Variants in TOP1 observed in about 807,000 individuals in gnomAD.
TOP1 encodes DNA topoisomerase I, also known as DNA topoisomerase 1.
Under a neutral mutation model 111.1 loss-of-function variants are expected in TOP1, and 10 were observed. The observed-to-expected ratio is 0.09, with a 90% CI of 0.06 to 0.15. The LOEUF (loss-of-function observed/expected upper bound fraction) is 0.15, where lower values mean the gene tolerates loss of function less well. Ranked by LOEUF, TOP1 falls within the 10% of genes least tolerant of loss-of-function variation. The pLI is 1.00. For synonymous variants in TOP1, 271 were observed against 302.9 expected (o/e 0.89, Z 1.10); for missense variants, 474 against 926.7 (o/e 0.51, Z 6.34).
chr20:41,102,480 G>T lies in TOP1; in HGVS notation c.1308+1127G>T, dbSNP rs1439426820. 6.6e-6 allele frequency among the ~76,000 whole-genome samples: 1 copy of T among 151,994 alleles called. No individual in the cohort carries two copies. The highest frequency in any genetic ancestry group is 1.5e-5 in the Non-Finnish European group (1 of 68,012). On this transcript the variant is annotated intron_variant, in intron 13 of 20. Transcript: ENST00000361337. The surrounding 1 kb of genome is among the most constrained non-coding windows in gnomAD (Gnocchi z 4.0). ...CAAAAATTAGCCAGGCGTGGTAGTG[G>T]GTGCCTGTAATCCCATCTACTTGGG...
In TOP1 at chr20:41,112,699, C is replaced by T. The variant is rs1011648975; in HGVS notation, c.1309-83C>T. 1.3e-5 allele frequency: 19 copies of T among 1,462,610 alleles called. No individual in the cohort carries two copies. The East Asian group carries it at 1.4e-4, about 11-fold the overall frequency. 90.6% of individuals were successfully genotyped at this position (1,462,610 alleles called of 1,614,324 possible). A position where few individuals can be genotyped will look rare whatever the true frequency, so the allele number is the denominator to read the frequency against. On this transcript the variant is annotated intron_variant, in intron 13 of 20. Transcript: ENST00000361337. The surrounding 1 kb of genome is among the most constrained non-coding windows in gnomAD (Gnocchi z 5.8). ...TTAGCTAGCTGGGATTATAGGCTTG[C>T]GCCACCTTGCCTGGCTATATTCAAA...
Position 41,092,365 on chromosome 20 carries a change from C to G in TOP1, c.615-107C>G. On this transcript the variant is annotated intron_variant, in intron 8 of 20. Transcript: ENST00000361337. The surrounding 1 kb of genome is among the most constrained non-coding windows in gnomAD (Gnocchi z 4.3). ...TTGAATGTGAGGCCCAGAAGTCATTCCAGAGCACTAATCAGTTGAGCGGAT... is the reference window on the plus strand; with the variant it reads ...TTGAATGTGAGGCCCAGAAGTCATTGCAGAGCACTAATCAGTTGAGCGGAT... 1.9e-6 allele frequency: 1 copy of G among 532,896 alleles called. No individual in the cohort carries two copies. The highest frequency in any genetic ancestry group is 3.4e-6 in the Non-Finnish European group (1 of 298,254). 33.0% of individuals were successfully genotyped at this position (532,896 alleles called of 1,614,324 possible).
intron 8 of TOP1, among the ~76,000 whole-genome samples, chr20:41,090,946 T>C (rs1386212297): frequency 2.0e-5 from 3 of 152,240 alleles, no homozygotes; most frequent in Non-Finnish European, 4.4e-5. Flanking sequence ...AGGTCTTTGA[T>C]CCATTTTGAA....
rs59200685 is a variant in TOP1 at position 41,089,020 on chromosome 20, C to CTTT, written c.615-3432_615-3430dup. The stretch of plus-strand genomic sequence containing the variant: ...TCCCCACTTCTCTGTTGCCCCAGTT[C>CTTT]TTTTTTTTTTTTTTTTTTTTTTGAG... On this transcript the variant is annotated intron_variant, in intron 8 of 20. Transcript: ENST00000361337. Among the ~76,000 whole-genome samples the CTTT allele has an allele frequency of 1.5e-3, 118 of 77,878 alleles. 6 individuals are homozygous for CTTT. Among genetic ancestry groups the CTTT allele is most frequent in the South Asian group, 6.3e-3 (13 of 2,054 alleles). The allele number at this position is 77,878 out of a possible 152,430, so 51.1% of individuals were successfully genotyped here. A position where few individuals can be genotyped will look rare whatever the true frequency, so the allele number is the denominator to read the frequency against.
chr20:41,055,633 T>C (rs2033460838), intron 2 of TOP1, among the ~76,000 whole-genome samples: 1 of 152,206 alleles, frequency 6.6e-6, no homozygotes, highest in African/African-American at 2.4e-5. Flanking sequence ...GGCCCCTTGT[T>C]CCCCCAGTCA....
At position 41,083,489 on chromosome 20, in the gene TOP1, A is replaced by G. The variant is rs1031490769; in HGVS notation, c.508-973A>G. Among the ~76,000 whole-genome samples the G allele has an allele frequency of 3.3e-5, 5 of 152,332 alleles. No individual in the cohort carries two copies. In the East Asian group the frequency reaches 5.8e-4, roughly 18 times the overall value. On this transcript the variant is annotated intron_variant, in intron 7 of 20. Coordinates refer to ENST00000361337, the MANE Select transcript of TOP1 (RefSeq NM_003286.4). The surrounding 1 kb of genome is among the most constrained non-coding windows in gnomAD (Gnocchi z 7.2). ...TTTCTCATAAAGTTAGGCTCTTATC[A>G]TAGTTAATAACAGCTATATGACCTT...
In TOP1 at chr20:41,101,696, A is replaced by G. The variant is rs2034066431; in HGVS notation, c.1308+343A>G. Among the ~76,000 whole-genome samples the G allele has an allele frequency of 6.6e-6, 1 of 152,242 alleles. No individual in the cohort carries two copies. Among genetic ancestry groups the G allele is most frequent in the Admixed American group, 6.5e-5 (1 of 15,284 alleles). ...TCCAGTGGTCAGAATGTGTTGAAGT[A>G]TGGTGATTGTATATTGGCCTCTGCA... On this transcript the variant is annotated intron_variant, in intron 13 of 20. Transcript: ENST00000361337. This position sits in a 1 kb window ranked among gnomAD's most constrained non-coding sequence, Gnocchi z 4.1.
At chr20:41,049,415 AAAAG>A (rs1237383325) in intron 2 of TOP1, among the ~76,000 whole-genome samples, 2 of 152,226 alleles carry the variant, frequency 1.3e-5, no homozygotes, top group African/African-American at 4.8e-5. Flanking sequence ...TTGAATATTG[AAAAG>A]AAAGACCACA....
At chr20:41,037,764 T>G (rs529781056) in intron 2 of TOP1, among the ~76,000 whole-genome samples, 1 of 152,352 alleles carries the variant, frequency 6.6e-6, no homozygotes, top group South Asian at 2.1e-4. Context: ...AAAAGTCATT[T>G]AAGGATGTGT....
intron 4 of TOP1, 32 bp from the exon 5 acceptor site, chr20:41,077,550 A>C (rs1291623819): frequency 1.3e-6 from 2 of 1,590,938 alleles, no homozygotes; most frequent in Non-Finnish European, 1.7e-6. Context: ...TAGTCCTTTC[A>C]AGGTACTAGT....
At position 41,118,475 on chromosome 20, in the gene TOP1, G is replaced by A. The variant is rs866074965; in HGVS notation, c.1950+179G>A. On this transcript the variant is annotated intron_variant, in intron 18 of 20. Coordinates refer to ENST00000361337, the MANE Select transcript of TOP1 (RefSeq NM_003286.4). This position sits in a 1 kb window ranked among gnomAD's most constrained non-coding sequence, Gnocchi z 4.6. Reference sequence around the variant, plus strand: ...TCTCTGATCAAGATACTGAATATCAGAGTATCCATTATTCAAGAAATCTTT... The same window carrying A: ...TCTCTGATCAAGATACTGAATATCAAAGTATCCATTATTCAAGAAATCTTT... Among the ~76,000 whole-genome samples, 3 of 152,292 alleles carry A rather than the reference G, an allele frequency of 2.0e-5. No homozygotes were observed. The highest frequency in any genetic ancestry group is 2.1e-4 in the South Asian group (1 of 4,822).
In TOP1 at chr20:41,077,670, C is replaced by G. The variant is rs761027243; in HGVS notation, c.335+33C>G. On this transcript the variant is annotated intron_variant, in intron 5 of 20. Coordinates refer to ENST00000361337, the MANE Select transcript of TOP1 (RefSeq NM_003286.4). The stretch of plus-strand genomic sequence containing the variant: ...TTTGCTGCTGCGTGGGCTTCCCTTT[C>G]TCTGGGTGGACAGCAGGCCAGCTGC... The G allele has an allele frequency of 4.4e-6, 7 of 1,600,164 alleles. No individual in the cohort carries two copies. In the Admixed American group the frequency reaches 8.3e-5, roughly 19 times the overall value.
chr20:41,080,941 G>A lies in TOP1; in HGVS notation c.432-224G>A, dbSNP rs191609707. ...CCCCACCCTATTTTGCTTCCAGGCC[G>A]GTGTAAGTGGTTTGTTTTGTTCTAT... On this transcript the variant is annotated intron_variant, in intron 6 of 20. Coordinates refer to ENST00000361337, the MANE Select transcript of TOP1 (RefSeq NM_003286.4). The surrounding 1 kb of genome is among the most constrained non-coding windows in gnomAD (Gnocchi z 5.0). Among the ~76,000 whole-genome samples, 9 of 151,878 alleles carry A rather than the reference G, an allele frequency of 5.9e-5. No individual in the cohort carries two copies. In the East Asian group the frequency reaches 9.7e-4, roughly 16 times the overall value.
At position 41,116,474 on chromosome 20, in the gene TOP1, T is replaced by C; in HGVS notation, c.1822+82T>C. 1 of 1,085,322 alleles carries C rather than the reference T, an allele frequency of 9.2e-7. No homozygotes were observed. Among genetic ancestry groups the C allele is most frequent in the East Asian group, 2.5e-5 (1 of 40,324 alleles). The allele number at this position is 1,085,322 out of a possible 1,614,324, so 67.2% of individuals were successfully genotyped here. A position where few individuals can be genotyped will look rare whatever the true frequency, so the allele number is the denominator to read the frequency against. On this transcript the variant is annotated intron_variant, in intron 17 of 20. Coordinates refer to ENST00000361337, the MANE Select transcript of TOP1 (RefSeq NM_003286.4). The surrounding 1 kb of genome is among the most constrained non-coding windows in gnomAD (Gnocchi z 5.6). ...TTGCTTATCTAAGGCCTAGAGTCAG[T>C]TCTACTTTTTTTCCCTACCATTGTG...
rs534085000 is a variant in TOP1, at chr20:41,051,139, A to G, written c.59-10255A>G. On this transcript the variant is annotated intron_variant, in intron 2 of 20. Coordinates refer to ENST00000361337, the MANE Select transcript of TOP1 (RefSeq NM_003286.4). ...AGAGATTATCTTTGACAGAAGTTAT[A>G]TTGTGAGTGTCTTTTTGGAGAAGGT... is the stretch of plus-strand genomic sequence containing the variant. Among the ~76,000 whole-genome samples the G allele has an allele frequency of 2.6e-5, 4 of 152,324 alleles. No homozygotes were observed. In the East Asian group the frequency reaches 5.8e-4, roughly 22 times the overall value.
intron 2 of TOP1, among the ~76,000 whole-genome samples, chr20:41,040,377 C>A (rs1418958137): frequency 6.6e-6 from 1 of 152,170 alleles, no homozygotes; most frequent in African/African-American, 2.4e-5. Flanking sequence ...GTAGTTCTTA[C>A]TATTTAATAC....
chr20:41,113,805 C>T (rs540157910), intron 14 of TOP1, among the ~76,000 whole-genome samples, 165 bp from the exon 15 acceptor site: 253 of 151,308 alleles, frequency 1.7e-3, no homozygotes, highest in African/African-American at 6.0e-3. Flanking sequence ...ATGGCATGAA[C>T]CCGGGAGACG....
At chr20:41,054,509 C>T (rs1436147572) in intron 2 of TOP1, among the ~76,000 whole-genome samples, 1 of 152,160 alleles carries the variant, frequency 6.6e-6, no homozygotes, top group Admixed American at 6.5e-5. Context: ...AATACAGATA[C>T]CTAGATACCC....
rs752848149 is a variant in TOP1, at chr20:41,069,690, T to G, written c.156-6481T>G. Among the ~76,000 whole-genome samples, 3 of 152,248 alleles carry G rather than the reference T, an allele frequency of 2.0e-5. No homozygotes were observed. The highest frequency in any genetic ancestry group is 4.4e-5 in the Non-Finnish European group (3 of 68,042). On this transcript the variant is annotated intron_variant, in intron 3 of 20. Coordinates refer to ENST00000361337, the MANE Select transcript of TOP1 (RefSeq NM_003286.4). This position sits in a 1 kb window ranked among gnomAD's most constrained non-coding sequence, Gnocchi z 4.1. Reference sequence around the variant, plus strand: ...CCTAGTATAATATCATGCAGATAAATTGGAGCTCTTGAGTTTGGTAGTTGA... The same window carrying G: ...CCTAGTATAATATCATGCAGATAAAGTGGAGCTCTTGAGTTTGGTAGTTGA...
Sources: gnomAD v4.1 joint callset for allele counts (sites outside exome capture counted in the v4.1 genomes callset) on GRCh38, gnomAD v4.1.1 for gene constraint, Gnocchi (gnomAD v3.1) non-coding constraint, MANE v1.5 for transcripts, NCBI Gene and HGNC (gene_info 2026-07-23, HGNC 2026-07-21) for gene names.